SPRED2: variants seen among roughly 807,000 people sequenced by gnomAD.
SPRED2 encodes sprouty-related, EVH1 domain-containing protein 2.
In SPRED2, 47 loss-of-function variants were observed where a neutral mutation model predicts 43.0. The observed-to-expected ratio is 1.09, with a 90% CI of 0.87 to 1.40. The LOEUF (loss-of-function observed/expected upper bound fraction) is 1.40, where lower values mean the gene tolerates loss of function less well. SPRED2 is among the 40% of genes most tolerant of loss of function. SPRED2 has a pLI of 0.00. For synonymous variants in SPRED2, 225 were observed against 225.7 expected (o/e 1.00, Z 0.03); for missense variants, 561 against 586.4 (o/e 0.96, Z 0.45).
chr2:65,350,185 G>A (rs1009515243), intron 1 of SPRED2, among the ~76,000 whole-genome samples: 1 of 152,174 alleles, frequency 6.6e-6, no homozygotes, highest in South Asian at 2.1e-4. Flanking sequence ...AACAACATCT[G>A]TTTAAAACAG....
chr2:65,407,161 C>T (rs572486646), intron 1 of SPRED2, among the ~76,000 whole-genome samples: 2 of 151,624 alleles, frequency 1.3e-5, no homozygotes, highest in African/African-American at 4.8e-5. Flanking sequence ...TCTCCTGACC[C>T]CATGATCTGC....
At chr2:65,346,402 C>T (rs1674352692) in intron 1 of SPRED2, among the ~76,000 whole-genome samples, 1 of 151,930 alleles carries the variant, frequency 6.6e-6, no homozygotes, top group Non-Finnish European at 1.5e-5. Context: ...TATACAAGTT[C>T]AGTGGCATTA....
intron 1 of SPRED2, among the ~76,000 whole-genome samples, chr2:65,364,626 T>C (rs534218996): frequency 5.3e-5 from 8 of 152,324 alleles, no homozygotes; most frequent in South Asian, 2.1e-4. Context: ...TATGGTGCTC[T>C]GGAAAGAATG....
intron 4 of SPRED2, among the ~76,000 whole-genome samples, chr2:65,318,357 A>G (rs562160856): frequency 1.3e-5 from 2 of 152,020 alleles, no homozygotes; most frequent in Non-Finnish European, 2.9e-5. Context: ...ACAACGGAGC[A>G]GGCCAGGCGA....
chr2:65,347,317 T>G (rs555554413), intron 1 of SPRED2, among the ~76,000 whole-genome samples: 22 of 152,152 alleles, frequency 1.4e-4, no homozygotes, highest in Non-Finnish European at 2.6e-4. Context: ...CTGCTGAACA[T>G]AGTGAGAGGG....
Position 65,316,650 on chromosome 2 carries a change from T to C in SPRED2, c.588+84A>G, listed in dbSNP as rs1008386349. Reference sequence around the variant, plus strand: ...CAGGAGAGGCCTGTGGTCATGGAATTTGGCTGAATAGGAGGGGAAAGAGGC... The same window carrying C: ...CAGGAGAGGCCTGTGGTCATGGAATCTGGCTGAATAGGAGGGGAAAGAGGC... On this transcript the variant is annotated intron_variant, in intron 5 of 5. Transcript: ENST00000356388. 5.4e-6 allele frequency: 8 copies of C among 1,493,458 alleles called. No individual in the cohort carries two copies. The South Asian group carries it at 6.3e-5, about 12-fold the overall frequency. The allele number at this position is 1,493,458 out of a possible 1,614,324, so 92.5% of individuals were successfully genotyped here. A position where few individuals can be genotyped will look rare whatever the true frequency, so the allele number is the denominator to read the frequency against.
chr2:65,312,412 T>G lies in SPRED2; in HGVS notation c.*1089A>C, dbSNP rs1673094378. On this transcript the variant is annotated 3_prime_UTR_variant, in exon 6 of 6. Coordinates refer to ENST00000356388, the MANE Select transcript of SPRED2 (RefSeq NM_181784.3). ...CACCACTCTTCAAATTTATGACATT[T>G]AAAAATCCCCTCTCCCCATTAATAT... 1 of 985,244 alleles carries G rather than the reference T, an allele frequency of 1.0e-6. No homozygotes were observed. Among genetic ancestry groups the G allele is most frequent in the African/African-American group, 1.7e-5 (1 of 57,202 alleles). 61.0% of individuals were successfully genotyped at this position (985,244 alleles called of 1,614,324 possible).
At chr2:65,307,776 T>A (rs1672970266), downstream of SPRED2, among the ~76,000 whole-genome samples, 1 of 152,232 alleles carries the variant, frequency 6.6e-6, no homozygotes, top group Non-Finnish European at 1.5e-5. Flanking sequence ...TATCTGGTTC[T>A]ACAAGATGTT....
chr2:65,341,208 G>C (rs1023841858), intron 2 of SPRED2, among the ~76,000 whole-genome samples: 20 of 151,984 alleles, frequency 1.3e-4, no homozygotes, highest in Non-Finnish European at 2.5e-4. Context: ...GAATTTCCTG[G>C]AGTGTGAAAC....
In SPRED2 at chr2:65,312,656, A is replaced by G. The variant is rs563708211; in HGVS notation, c.*845T>C. 20 of 985,852 alleles carry G rather than the reference A, an allele frequency of 2.0e-5. No individual in the cohort carries two copies. The highest frequency in any genetic ancestry group is 2.2e-5 in the Non-Finnish European group (18 of 829,922). The allele number at this position is 985,852 out of a possible 1,614,324, so 61.1% of individuals were successfully genotyped here. On this transcript the variant is annotated 3_prime_UTR_variant, in exon 6 of 6. Transcript: ENST00000356388. ...GGCAACACAATTTAAAAAATGTTCT[A>G]CTTTAGGGGTAATGGGGAGGCTCAT...
chr2:65,396,315 TG>T (rs895048047), intron 1 of SPRED2, among the ~76,000 whole-genome samples: 4 of 152,246 alleles, frequency 2.6e-5, no homozygotes, highest in African/African-American at 9.6e-5. Flanking sequence ...CTTCTCCATG[TG>T]GGTTTACTTG....
chr2:65,388,418 C>T (rs1245854838), intron 1 of SPRED2, among the ~76,000 whole-genome samples: 1 of 152,198 alleles, frequency 6.6e-6, no homozygotes, highest in Non-Finnish European at 1.5e-5. Flanking sequence ...CAGTGCCTGG[C>T]TCCCAGCTAA....
intron 1 of SPRED2, among the ~76,000 whole-genome samples, chr2:65,397,449 A>C (rs192500518): frequency 1.7e-3 from 253 of 151,958 alleles, no homozygotes; most frequent in African/African-American, 5.8e-3. Context: ...CCTACTAATC[A>C]CTCAAAGCAA....
intron 1 of SPRED2, among the ~76,000 whole-genome samples, chr2:65,363,521 T>C (rs1024221135): frequency 9.2e-5 from 14 of 152,202 alleles, no homozygotes; most frequent in African/African-American, 3.1e-4. Context: ...TTCTAGATAA[T>C]GATATAAGAT....
At chr2:65,412,673 A>G (rs1011049000) in intron 1 of SPRED2, among the ~76,000 whole-genome samples, 4 of 151,500 alleles carry the variant, frequency 2.6e-5, no homozygotes, top group African/African-American at 9.7e-5. Flanking sequence ...CAGTTTGAAG[A>G]CCCCCCACCC....
At chr2:65,407,148 C>T (rs1413721249) in intron 1 of SPRED2, among the ~76,000 whole-genome samples, 1 of 151,684 alleles carries the variant, frequency 6.6e-6, no homozygotes, top group African/African-American at 2.4e-5. Flanking sequence ...AGGATGGTCT[C>T]GATCTCCTGA....
chr2:65,334,693 A>G lies in SPRED2; in HGVS notation c.285T>C (p.Asn95=), dbSNP rs752317903. Residue 95 remains asparagine (N), a synonymous_variant, in exon 3 of 6, where the codon AAT becomes AAC. Coordinates refer to ENST00000356388, the MANE Select transcript of SPRED2 (RefSeq NM_181784.3). ...NPTFHHWKVD[N]RKFGLTFQSP... ...TTTGGAAAGTAAGTCCAAACTTCCT[A>G]TTATCGACCTTCCAGTGATGAAACG... The G allele has an allele frequency of 3.1e-6, 5 of 1,614,170 alleles. No individual in the cohort carries two copies. In the East Asian group the frequency reaches 6.7e-5, roughly 22 times the overall value.
chr2:65,399,383 CTTTTT>C (rs34672484), intron 1 of SPRED2, among the ~76,000 whole-genome samples: 7,041 of 125,302 alleles, frequency 0.056, 246 homozygotes, highest in Middle Eastern at 0.15. Context: ...AACTATTATT[CTTTTT>C]TTTTTTTTTT....
At chr2:65,327,529 C>T (rs1267077651) in intron 4 of SPRED2, among the ~76,000 whole-genome samples, 2 of 151,960 alleles carry the variant, frequency 1.3e-5, no homozygotes, top group Non-Finnish European at 2.9e-5. Flanking sequence ...GTAATGTGAG[C>T]TTGAGAGTTA....
Sources: gnomAD v4.1 joint callset for allele counts (sites outside exome capture counted in the v4.1 genomes callset) on GRCh38, gnomAD v4.1.1 for gene constraint, MANE v1.5 for transcripts, NCBI Gene and HGNC (gene_info 2026-07-23, HGNC 2026-07-21) for gene names.